Variants in SCD5 observed in about 807,000 individuals in gnomAD.
SCD5 encodes acyl-CoA-desaturase 4.
Under a neutral mutation model 30.4 loss-of-function variants are expected in SCD5, and 20 were observed. That is an observed-to-expected ratio of 0.66 (90% CI 0.46 to 0.96). The LOEUF (loss-of-function observed/expected upper bound fraction) is 0.96. Ranked by LOEUF, SCD5 falls within the 40% of genes least tolerant of loss-of-function variation. The pLI, the probability that SCD5 is intolerant of heterozygous loss-of-function variation, is 0.00. For synonymous variants in SCD5, 173 were observed against 176.4 expected (o/e 0.98, Z 0.16); for missense variants, 381 against 443.3 (o/e 0.86, Z 1.26).
intron 1 of SCD5, among the ~76,000 whole-genome samples, chr4:82,730,646 C>A (rs188876793): frequency 7.3e-6 from 1 of 136,726 alleles, no homozygotes; most frequent in Non-Finnish European, 1.5e-5. Context: ...AGTGCAGTGG[C>A]GGGATCTTGG....
At position 82,630,255 on chromosome 4, in the gene SCD5, T is replaced by C. The variant is rs545568682; in HGVS notation, c.*1072A>G. 5.3e-5 allele frequency: 8 copies of C among 152,298 alleles called. No homozygotes were observed. The highest frequency in any genetic ancestry group is 1.4e-4 in the African/African-American group (6 of 41,558). The allele number at this position is 152,298 out of a possible 1,614,324, so 9.4% of individuals were successfully genotyped here. ...CAAATCTCTCTTGAAACAAAGACAG[T>C]AGAGCATTAACAAGCTGTAAACACA... On this transcript the variant is annotated 3_prime_UTR_variant, in exon 5 of 5. Transcript: ENST00000319540.
intron 3 of SCD5, among the ~76,000 whole-genome samples, chr4:82,655,875 A>C (rs2148815696): frequency 6.6e-6 from 1 of 152,332 alleles, no homozygotes; most frequent in South Asian, 2.1e-4. Context: ...ACAGTGAAAC[A>C]GCTGTTGCTG....
chr4:82,785,740 T>C (rs74731427), intron 1 of SCD5, among the ~76,000 whole-genome samples: 226 of 152,318 alleles, frequency 1.5e-3, no homozygotes, highest in Non-Finnish European at 2.7e-3. Flanking sequence ...AAAATGCTAA[T>C]GACTCACCCA....
At chr4:82,663,835 C>G (rs1205635507) in intron 3 of SCD5, among the ~76,000 whole-genome samples, 1 of 152,192 alleles carries the variant, frequency 6.6e-6, no homozygotes. Context: ...GAGGGAGAGA[C>G]AGAAGCAAAA....
Position 82,705,432 on chromosome 4 carries a change from G to A in SCD5, c.233-19C>T. On this transcript the variant is annotated intron_variant, in intron 1 of 4. Transcript: ENST00000319540. ...AAGTAGGCTGCAAGACACAAGCAGG[G>A]ACAACGTCAACAATGGTCCCTGAGC... The A allele has an allele frequency of 6.2e-7, 1 of 1,613,942 alleles. No individual in the cohort carries two copies. The highest frequency in any genetic ancestry group is 8.5e-7 in the Non-Finnish European group (1 of 1,179,900).
At chr4:82,759,748 T>G (rs901062738) in intron 1 of SCD5, among the ~76,000 whole-genome samples, 10 of 152,062 alleles carry the variant, frequency 6.6e-5, no homozygotes, top group African/African-American at 2.4e-4. Flanking sequence ...TTGTACAAAG[T>G]AAGTCCTTCC....
intron 1 of SCD5, among the ~76,000 whole-genome samples, chr4:82,796,106 TA>T (rs1196434194): frequency 1.3e-5 from 2 of 151,442 alleles, no homozygotes; most frequent in Non-Finnish European, 2.9e-5. Context: ...CCATCTCTAC[TA>T]AAAATACAAA....
chr4:82,738,121 C>T (rs1720791754), intron 1 of SCD5, among the ~76,000 whole-genome samples: 1 of 152,088 alleles, frequency 6.6e-6, no homozygotes, highest in African/African-American at 2.4e-5. Flanking sequence ...AGATTTCTAC[C>T]TGAAAAAAAG....
intron 3 of SCD5, among the ~76,000 whole-genome samples, chr4:82,652,130 G>GA (rs1727770378): frequency 6.6e-6 from 1 of 152,052 alleles, no homozygotes; most frequent in African/African-American, 2.4e-5. Context: ...AGAAACATGA[G>GA]CAAAAGCACA....
intron 3 of SCD5, among the ~76,000 whole-genome samples, chr4:82,646,891 C>T (rs968227339): frequency 7.2e-5 from 11 of 152,028 alleles, no homozygotes; most frequent in African/African-American, 9.7e-5. Flanking sequence ...GGTGTGATCT[C>T]GGGTCACTGC....
At chr4:82,773,589 T>TA (rs142380558) in intron 1 of SCD5, among the ~76,000 whole-genome samples, 1 of 152,248 alleles carries the variant, frequency 6.6e-6, no homozygotes, top group East Asian at 1.9e-4. Flanking sequence ...TACAAAGAAT[T>TA]AAAATACCCA....
At chr4:82,719,551 C>G (rs6535389) in intron 1 of SCD5, among the ~76,000 whole-genome samples, 3 of 148,428 alleles carry the variant, frequency 2.0e-5, no homozygotes, top group Admixed American at 2.0e-4. Context: ...TCGCCCAGGC[C>G]GGAGTGCAGT....
chr4:82,787,297 A>T (rs1198906248), intron 1 of SCD5, among the ~76,000 whole-genome samples: 1 of 150,438 alleles, frequency 6.6e-6, no homozygotes, highest in Admixed American at 6.6e-5. Context: ...ATTCTAAGTC[A>T]CTGGTTTTCC....
chr4:82,665,051 T>C (rs867842784), intron 3 of SCD5, among the ~76,000 whole-genome samples: 5 of 80,408 alleles, frequency 6.2e-5, no homozygotes, highest in Non-Finnish European at 4.8e-5. Context: ...CACACATATA[T>C]ACACACACAC....
At chr4:82,679,650 G>A (rs913521260) in intron 3 of SCD5, among the ~76,000 whole-genome samples, 1 of 152,214 alleles carries the variant, frequency 6.6e-6, no homozygotes, top group African/African-American at 2.4e-5. Context: ...TTGCTAGTAA[G>A]TGGAGGAGTC....
At chr4:82,690,868 T>C (rs959965992) in intron 2 of SCD5, among the ~76,000 whole-genome samples, 2 of 152,196 alleles carry the variant, frequency 1.3e-5, no homozygotes, top group African/African-American at 2.4e-5. Context: ...AAAGAGTTTA[T>C]AGTTTATCGA....
At chr4:82,770,940 G>T (rs968243511) in intron 1 of SCD5, among the ~76,000 whole-genome samples, 2 of 152,112 alleles carry the variant, frequency 1.3e-5, no homozygotes, top group African/African-American at 2.4e-5. Flanking sequence ...CACAGTAATA[G>T]CTGGTTTATT....
At chr4:82,640,096 C>G (rs1727511680) in intron 3 of SCD5, among the ~76,000 whole-genome samples, 1 of 152,120 alleles carries the variant, frequency 6.6e-6, no homozygotes, top group South Asian at 2.1e-4. Context: ...GCTCTCTGAC[C>G]CCTGCTCTCT....
intron 1 of SCD5, among the ~76,000 whole-genome samples, chr4:82,781,338 C>T (rs550792102): frequency 3.7e-4 from 57 of 152,034 alleles, no homozygotes; most frequent in Middle Eastern, 3.4e-3. Context: ...ATAGCTTGAA[C>T]CCGGGAGGCA....
Sources: allele counts gnomAD v4.1 joint callset (sites outside exome capture counted in the v4.1 genomes callset), GRCh38; gene constraint gnomAD v4.1.1; transcripts MANE v1.5; gene names NCBI Gene and HGNC (gene_info 2026-07-23, HGNC 2026-07-21).